The following ARID1A variants were observed in gnomAD, a reference collection of about 807,000 sequenced individuals.
The protein encoded by ARID1A is AT-rich interactive domain-containing protein 1A.
A neutral mutation model predicts 212.6 loss-of-function variants in ARID1A; 20 were observed. The ratio of observed to expected loss-of-function variants is 0.09; its 90% confidence interval spans 0.07 to 0.14. The LOEUF is 0.14. Ranked by LOEUF, ARID1A falls within the 10% of genes least tolerant of loss-of-function variation. ARID1A has a pLI of 1.00. For synonymous variants in ARID1A, 1,376 were observed against 1,222.1 expected (o/e 1.13, Z -2.63); for missense variants, 2,587 against 3,059.0 (o/e 0.85, Z 3.64).
chr1:26,738,513 T>C (rs1246990785), intron 4 of ARID1A, among the ~76,000 whole-genome samples: 1 of 152,222 alleles, frequency 6.6e-6, no homozygotes, highest in Non-Finnish European at 1.5e-5. Flanking sequence ...TAGATGAACC[T>C]GAGCAGCATC....
chr1:26,769,172 CT>C (rs1212454736), intron 11 of ARID1A: 2 of 152,200 alleles, frequency 1.3e-5, no homozygotes, highest in Non-Finnish European at 2.9e-5. Flanking sequence ...CCTTCCCTGT[CT>C]ATAGGGAAAG....
rs2124789589 is a variant in ARID1A, at chr1:26,731,457, A to G, written c.1656A>G (p.Ser552=). 1 of 1,612,676 alleles carries G rather than the reference A, an allele frequency of 6.2e-7. No homozygotes were observed. The highest frequency in any genetic ancestry group is 1.1e-5 in the South Asian group (1 of 90,976). ...QQHPQSQPPY[S]QPQAQSPYQQ... ...ACCCCCAGAGCCAGCCCCCCTACTC[A>G]CAGCCACAGGCTCAGTCTCCTTACC... Residue 552 remains serine, a synonymous_variant, in exon 3 of 20, where the codon TCA becomes TCG. Coordinates refer to ENST00000324856, the MANE Select transcript of ARID1A (RefSeq NM_006015.6).
chr1:26,746,582 C>T (rs943527690), intron 4 of ARID1A, among the ~76,000 whole-genome samples: 1 of 152,146 alleles, frequency 6.6e-6, no homozygotes, highest in Non-Finnish European at 1.5e-5. Flanking sequence ...AGGGGAGGAC[C>T]TGTAGGTGTG....
Position 26,729,847 on chromosome 1 carries a change from T to C in ARID1A, c.1334T>C (p.Leu445Pro), listed in dbSNP as rs763236206. ...QGRAQSAMGG[L>P]SYTQQIPPYG... ...CGGGCGCAGAGTGCCATGGGCGGCC[T>C]CTCTTATACACAGCAGGTAGATGGT... The change falls in exon 2 of 20, where the codon CTC becomes CCC. Residue 445 changes from leucine to proline, a missense_variant. By Grantham distance (98) the Leu-to-Pro change is moderately conservative. Around this residue, in one of 11 missense-constraint regions of ARID1A, gnomAD observed 674 missense variants for 813.4 expected, o/e 0.83. Transcript: ENST00000324856. 1 of 1,613,944 alleles carries C rather than the reference T, an allele frequency of 6.2e-7. No individual in the cohort carries two copies. The highest frequency in any genetic ancestry group is 8.5e-7 in the Non-Finnish European group (1 of 1,180,016).
At chr1:26,760,793 T>C in intron 4 of ARID1A, 63 bp from the exon 5 acceptor site, 2 of 1,513,450 alleles carry the variant, frequency 1.3e-6, no homozygotes, top group Non-Finnish European at 1.8e-6. Flanking sequence ...AGTAGTAGGA[T>C]TATTGAAAGT....
Position 26,774,316 on chromosome 1 carries a change from G to A in ARID1A, c.4102-13G>A, listed in dbSNP as rs748362002. The stretch of plus-strand genomic sequence containing the variant: ...CAGAGTATTAACTTCCCCTCTGCTT[G>A]TCTCTGCCTTAGAATTACAAGCGGC... On this transcript the variant is annotated splice_polypyrimidine_tract_variant and intron_variant, in intron 17 of 19. Coordinates refer to ENST00000324856, the MANE Select transcript of ARID1A (RefSeq NM_006015.6). This position sits in a 1 kb window ranked among gnomAD's most constrained non-coding sequence, Gnocchi z 5.6. 6.6e-6 allele frequency: 10 copies of A among 1,526,070 alleles called. No individual in the cohort carries two copies. The highest frequency in any genetic ancestry group is 1.3e-5 in the South Asian group (1 of 76,692). 94.5% of individuals were successfully genotyped at this position (1,526,070 alleles called of 1,614,324 possible).
chr1:26,696,650 GGCGGCGGCGGCGGAGCCGGCA>G lies in ARID1A; in HGVS notation c.258_278del (p.Gly87_Gly93del). Reference sequence around the variant, plus strand: ...GGACGGGGCCGAGAGCAATGGGGGTGGCGGCGGCGGCGGAGCCGGCAGCGGCGGCGGGCCCGGCGCGGAGCC... The same window carrying G: ...GGACGGGGCCGAGAGCAATGGGGGTGGCGGCGGCGGGCCCGGCGCGGAGCC... On this transcript the variant is annotated inframe_deletion, in exon 1 of 20. Coordinates refer to ENST00000324856, the MANE Select transcript of ARID1A (RefSeq NM_006015.6). 3.1e-6 allele frequency: 4 copies of G among 1,303,774 alleles called. No homozygotes were observed. The highest frequency in any genetic ancestry group is 1.9e-6 in the Non-Finnish European group (2 of 1,029,892). 80.8% of individuals were successfully genotyped at this position (1,303,774 alleles called of 1,614,324 possible).
intron 1 of ARID1A, among the ~76,000 whole-genome samples, chr1:26,715,045 T>C (rs1335991867): frequency 6.6e-6 from 1 of 152,232 alleles, no homozygotes; most frequent in Admixed American, 6.5e-5. Context: ...TAGAGAAATT[T>C]AGCGTCTTTT....
chr1:26,771,127 G>A lies in ARID1A; in HGVS notation c.3207G>A (p.Lys1069=), dbSNP rs2124096759. ...TTGGTTTGGTTATACAGGTCAACAA[G>A]AACAAAAAATGGCGGGAACTTGCAA... ...KEIGGLTQVN[K]NKKWRELATN... is the part of the protein sequence containing the mutation. Residue 1069 remains lysine, a synonymous_variant, in exon 12 of 20, where the codon AAG becomes AAA. Coordinates refer to ENST00000324856, the MANE Select transcript of ARID1A (RefSeq NM_006015.6). This position sits in a 1 kb window ranked among gnomAD's most constrained non-coding sequence, Gnocchi z 5.4. 1 of 1,614,178 alleles carries A rather than the reference G, an allele frequency of 6.2e-7. No individual in the cohort carries two copies. Among genetic ancestry groups the A allele is most frequent in the Non-Finnish European group, 8.5e-7 (1 of 1,180,030 alleles).
intron 19 of ARID1A, among the ~76,000 whole-genome samples, chr1:26,776,753 C>G (rs2124130581): frequency 6.6e-6 from 1 of 152,282 alleles, no homozygotes; most frequent in East Asian, 1.9e-4. Context: ...TTATCGTGCT[C>G]TTATTTTGTG....
At chr1:26,726,501 T>C (rs1304799326) in intron 1 of ARID1A, among the ~76,000 whole-genome samples, 1 of 152,198 alleles carries the variant, frequency 6.6e-6, no homozygotes, top group African/African-American at 2.4e-5. Flanking sequence ...GTGCTTGTTC[T>C]CCCTTGAATA....
chr1:26,776,924 C>T (rs2081141784), intron 19 of ARID1A, among the ~76,000 whole-genome samples: 1 of 152,098 alleles, frequency 6.6e-6, no homozygotes, highest in South Asian at 2.1e-4. Context: ...ATTTTATTTC[C>T]ATTGCATAAT....
chr1:26,709,219 C>G (rs758594362), intron 1 of ARID1A, among the ~76,000 whole-genome samples: 3 of 152,170 alleles, frequency 2.0e-5, no homozygotes, highest in Non-Finnish European at 2.9e-5. Context: ...AAGTACTATT[C>G]GTTTATCAAA....
intron 1 of ARID1A, 136 bp downstream of exon 1, chr1:26,697,676 C>T (rs1293566135): frequency 1.4e-5 from 13 of 905,252 alleles, no homozygotes; most frequent in Admixed American, 4.4e-5. Flanking sequence ...TTGTCTGGCT[C>T]TTCTCTCTTA....
intron 1 of ARID1A, among the ~76,000 whole-genome samples, chr1:26,708,106 G>A (rs1002753788): frequency 1.3e-5 from 2 of 151,756 alleles, no homozygotes; most frequent in Non-Finnish European, 2.9e-5. Flanking sequence ...TGTTGTTTTG[G>A]ATTTCCGATG....
Position 26,781,011 on chromosome 1 carries a change from A to T in ARID1A, c.*255A>T, listed in dbSNP as rs1309946194. 4 of 413,758 alleles carry T rather than the reference A, an allele frequency of 9.7e-6. No homozygotes were observed. The highest frequency in any genetic ancestry group is 1.3e-5 in the Non-Finnish European group (3 of 235,486). 25.6% of individuals were successfully genotyped at this position (413,758 alleles called of 1,614,324 possible). A position where few individuals can be genotyped will look rare whatever the true frequency, so the allele number is the denominator to read the frequency against. On this transcript the variant is annotated 3_prime_UTR_variant, in exon 20 of 20. Coordinates refer to ENST00000324856, the MANE Select transcript of ARID1A (RefSeq NM_006015.6). ...ACCCTACCCCACCCTCTTTGAAAAG[A>T]CAAAGCTCTGCCTACATAGAAGACT...
At chr1:26,754,936 T>C (rs1361027567) in intron 4 of ARID1A, among the ~76,000 whole-genome samples, 2 of 152,120 alleles carry the variant, frequency 1.3e-5, no homozygotes, top group Admixed American at 6.5e-5. Flanking sequence ...CTGGGCAACA[T>C]GGTGAAACCC....
intron 4 of ARID1A, among the ~76,000 whole-genome samples, chr1:26,758,577 C>T (rs1483436869): frequency 6.6e-6 from 1 of 151,468 alleles, no homozygotes; most frequent in Non-Finnish European, 1.5e-5. Flanking sequence ...TGGCATCATG[C>T]CAATGTACTG....
chr1:26,777,842 T>C (rs2081151182), intron 19 of ARID1A, among the ~76,000 whole-genome samples: 1 of 151,794 alleles, frequency 6.6e-6, no homozygotes, highest in African/African-American at 2.4e-5. Context: ...CCAAGGTGGG[T>C]GGATCACTTG....
Sources: gnomAD v4.1 joint callset for allele counts (sites outside exome capture counted in the v4.1 genomes callset) on GRCh38, gnomAD v4.1.1 for gene constraint, gnomAD v4.1.1 regional missense constraint, Gnocchi (gnomAD v3.1) non-coding constraint, MANE v1.5 for transcripts, NCBI Gene and HGNC (gene_info 2026-07-23, HGNC 2026-07-21) for gene names.